The following NOS1AP variants were observed in gnomAD, a reference collection of about 807,000 sequenced individuals.
NOS1AP encodes carboxyl-terminal PDZ ligand of neuronal nitric oxide synthase protein.
Under a neutral mutation model 56.2 loss-of-function variants are expected in NOS1AP, and 21 were observed. That is an observed-to-expected ratio of 0.37 (90% CI 0.26 to 0.54). NOS1AP has a LOEUF of 0.54. Ranked by LOEUF, NOS1AP falls within the 20% of genes least tolerant of loss-of-function variation. The probability of loss-of-function intolerance (pLI) is 0.84; values close to 1 mark genes in which losing one functional copy is unlikely to be tolerated. For missense variants in NOS1AP, 522 were observed against 657.8 expected, an observed-to-expected ratio of 0.79 and a Z score of 2.26; for synonymous variants, 270 against 274.6, an observed-to-expected ratio of 0.98 and a Z score of 0.17.
intron 6 of NOS1AP, among the ~76,000 whole-genome samples, chr1:162,354,048 G>A (rs1195932819): frequency 1.3e-5 from 2 of 152,222 alleles, no homozygotes; most frequent in African/African-American, 4.8e-5. Context: ...CAAGCCCACT[G>A]TTTACTTTCT....
At position 162,287,533 on chromosome 1, in the gene NOS1AP, C is replaced by T. The variant is rs878936597; in HGVS notation, c.270+97C>T. On this transcript the variant is annotated intron_variant, in intron 3 of 9. Coordinates refer to ENST00000361897, the MANE Select transcript of NOS1AP (RefSeq NM_014697.3). ...TCTGGGCCCACCTCCAGAGAGAATC[C>T]CTCCCTTATCTGGCAAGCTCTTCTG... is the stretch of plus-strand genomic sequence containing the variant. 3.6e-6 allele frequency: 3 copies of T among 823,290 alleles called. No individual in the cohort carries two copies. The South Asian group carries it at 4.1e-5, about 11-fold the overall frequency. 51.0% of individuals were successfully genotyped at this position (823,290 alleles called of 1,614,324 possible). A position where few individuals can be genotyped will look rare whatever the true frequency, so the allele number is the denominator to read the frequency against.
chr1:162,334,735 G>T (rs1417892226), intron 5 of NOS1AP, among the ~76,000 whole-genome samples: 1 of 152,162 alleles, frequency 6.6e-6, no homozygotes, highest in Non-Finnish European at 1.5e-5. Flanking sequence ...CATTTGCCAG[G>T]TTCTTTAATA....
At chr1:162,180,421 T>A (rs1351020721) in intron 2 of NOS1AP, among the ~76,000 whole-genome samples, 1 of 152,062 alleles carries the variant, frequency 6.6e-6, no homozygotes, top group Non-Finnish European at 1.5e-5. Flanking sequence ...ATTTTTTGTA[T>A]TTTTAGTAGA....
chr1:162,311,619 A>G (rs902096713), intron 4 of NOS1AP, among the ~76,000 whole-genome samples: 4 of 149,846 alleles, frequency 2.7e-5, no homozygotes, highest in African/African-American at 9.9e-5. Context: ...TTTAGGGTAC[A>G]TGTGCACATT....
At chr1:162,344,987 G>C (rs1285183712) in intron 6 of NOS1AP, among the ~76,000 whole-genome samples, 1 of 151,652 alleles carries the variant, frequency 6.6e-6, no homozygotes, top group Non-Finnish European at 1.5e-5. Flanking sequence ...TAAAAAAAAA[G>C]ATACTTATGA....
intron 2 of NOS1AP, among the ~76,000 whole-genome samples, chr1:162,203,385 G>A (rs1359165689): frequency 3.9e-5 from 6 of 152,108 alleles, no homozygotes; most frequent in Admixed American, 3.9e-4. Flanking sequence ...TAATTGCATT[G>A]GCCAAAGCAG....
intron 8 of NOS1AP, among the ~76,000 whole-genome samples, chr1:162,361,155 C>T (rs901851216): frequency 2.0e-5 from 3 of 152,162 alleles, no homozygotes; most frequent in African/African-American, 2.4e-5. Context: ...GTAAGTACAA[C>T]ATTCATTGCC....
intron 2 of NOS1AP, among the ~76,000 whole-genome samples, chr1:162,262,431 C>A (rs529603070): frequency 1.3e-5 from 2 of 152,320 alleles, no homozygotes; most frequent in South Asian, 2.1e-4. Context: ...AATCTCCCAA[C>A]AATGAATTGT....
At chr1:162,351,428 C>A (rs1283492122) in intron 6 of NOS1AP, among the ~76,000 whole-genome samples, 1 of 152,184 alleles carries the variant, frequency 6.6e-6, no homozygotes, top group Non-Finnish European at 1.5e-5. Flanking sequence ...CTGCCACCCA[C>A]AGACCGATTA....
chr1:162,361,276 AC>A (rs1420884521), intron 8 of NOS1AP, among the ~76,000 whole-genome samples: 3 of 130,238 alleles, frequency 2.3e-5, no homozygotes, highest in Non-Finnish European at 4.8e-5. Flanking sequence ...CATGCTAAAT[AC>A]AAAAAAAAAA....
intron 2 of NOS1AP, among the ~76,000 whole-genome samples, chr1:162,211,633 A>C (rs145917307): frequency 1.3e-5 from 2 of 152,278 alleles, no homozygotes; most frequent in African/African-American, 4.8e-5. Flanking sequence ...CCAGTGAGGC[A>C]GTGGGTTGTT....
chr1:162,354,311 A>G (rs182481429), intron 6 of NOS1AP, among the ~76,000 whole-genome samples: 3 of 152,384 alleles, frequency 2.0e-5, no homozygotes, highest in Admixed American at 1.3e-4. Context: ...TTGCAAATAT[A>G]GAAAATGAAA....
At chr1:162,346,699 A>G (rs1657306716) in intron 6 of NOS1AP, among the ~76,000 whole-genome samples, 1 of 152,236 alleles carries the variant, frequency 6.6e-6, no homozygotes, top group African/African-American at 2.4e-5. Flanking sequence ...TACTTTGGAT[A>G]TATATTAGTT....
intron 1 of NOS1AP, among the ~76,000 whole-genome samples, chr1:162,119,672 G>A (rs775663731): frequency 8.0e-4 from 122 of 152,168 alleles, no homozygotes; most frequent in Non-Finnish European, 1.6e-3. Context: ...AAAATTTATC[G>A]TAGTCTCCCT....
At position 162,327,578 on chromosome 1, in the gene NOS1AP, T is replaced by C. The variant is rs143826812; in HGVS notation, c.345-5439T>C. 2.6e-4 allele frequency among the ~76,000 whole-genome samples: 39 copies of C among 152,284 alleles called. No individual in the cohort carries two copies. In the East Asian group the frequency reaches 6.8e-3, roughly 26 times the overall value. Reference sequence around the variant, plus strand: ...GGAAATCATGAACACTGAGAGCTAGTCCTAAAAAACCAGTTACCCAAGTAT... The same window carrying C: ...GGAAATCATGAACACTGAGAGCTAGCCCTAAAAAACCAGTTACCCAAGTAT... On this transcript the variant is annotated intron_variant, in intron 4 of 9. Coordinates refer to ENST00000361897, the MANE Select transcript of NOS1AP (RefSeq NM_014697.3).
At chr1:162,288,470 A>G (rs889926218) in intron 3 of NOS1AP, among the ~76,000 whole-genome samples, 7 of 152,194 alleles carry the variant, frequency 4.6e-5, no homozygotes, top group Non-Finnish European at 4.4e-5. Context: ...CATAAATTTG[A>G]AGAACCATAT....
intron 4 of NOS1AP, among the ~76,000 whole-genome samples, chr1:162,318,900 A>G (rs1656319833): frequency 6.6e-6 from 1 of 151,964 alleles, no homozygotes; most frequent in Non-Finnish European, 1.5e-5. Context: ...TGTTTAGTCC[A>G]TCTGCCAAGT....
chr1:162,154,576 C>A, intron 2 of NOS1AP, 100 bp downstream of exon 2: 2 of 968,830 alleles, frequency 2.1e-6, no homozygotes, highest in Non-Finnish European at 1.6e-6. Context: ...ATGGCTACAC[C>A]CCTTGCAAAC....
chr1:162,158,640 A>G (rs1650071121), intron 2 of NOS1AP, among the ~76,000 whole-genome samples: 1 of 152,194 alleles, frequency 6.6e-6, no homozygotes, highest in Non-Finnish European at 1.5e-5. Context: ...AGAGATTAGA[A>G]GCTAAGTGTT....
Sources: allele counts gnomAD v4.1 joint callset (sites outside exome capture counted in the v4.1 genomes callset), GRCh38; gene constraint gnomAD v4.1.1; transcripts MANE v1.5; gene names NCBI Gene and HGNC (gene_info 2026-07-23, HGNC 2026-07-21).